STK10: variants seen among roughly 807,000 people sequenced by gnomAD.
The protein encoded by STK10 is serine/threonine kinase 10, also known as serine/threonine-protein kinase 10.
In STK10, 78 loss-of-function variants were observed where a neutral mutation model predicts 113.8. That is an observed-to-expected ratio of 0.69 (90% CI 0.57 to 0.83). The LOEUF is 0.83. STK10 is among the 40% of genes least tolerant of loss of function. The pLI is 0.00. For synonymous variants in STK10, 465 were observed against 494.7 expected (o/e 0.94, Z 0.80); for missense variants, 1,109 against 1,280.1 (o/e 0.87, Z 2.04).
At chr5:172,181,475 A>G (rs1770853193) in intron 1 of STK10, among the ~76,000 whole-genome samples, 1 of 145,780 alleles carries the variant, frequency 6.9e-6, no homozygotes, top group African/African-American at 2.7e-5. Flanking sequence ...ACGATTATTT[A>G]ATTTATTTTA....
chr5:172,064,478 G>A, intron 13 of STK10: 1 of 576,236 alleles, frequency 1.7e-6, no homozygotes, highest in Admixed American at 3.0e-5. Flanking sequence ...TTTGGGAGGT[G>A]GTCAATGTAA....
At chr5:172,053,467 CTGTA>C (rs754635999) in intron 17 of STK10, among the ~76,000 whole-genome samples, 83 of 152,314 alleles carry the variant, frequency 5.4e-4, no homozygotes, top group African/African-American at 1.9e-3. Flanking sequence ...CTAAGATACT[CTGTA>C]TGTCTCACAT....
At chr5:172,098,988 C>T (rs1768917824) in intron 7 of STK10, among the ~76,000 whole-genome samples, 1 of 150,924 alleles carries the variant, frequency 6.6e-6, no homozygotes, top group African/African-American at 2.5e-5. Flanking sequence ...TCATTACCAT[C>T]ACCACCATCA....
intron 17 of STK10, 27 bp downstream of exon 17, chr5:172,054,542 C>A: frequency 6.3e-7 from 1 of 1,596,636 alleles, no homozygotes; most frequent in Non-Finnish European, 8.5e-7. Flanking sequence ...AGCCTGGGGG[C>A]AGGGGCAGGG....
rs747004940 is a variant in STK10, at chr5:172,187,863, G to T, written c.156+24C>A. On this transcript the variant is annotated intron_variant, in intron 1 of 18. Coordinates refer to ENST00000176763, the MANE Select transcript of STK10 (RefSeq NM_005990.4). The surrounding 1 kb of genome is among the most constrained non-coding windows in gnomAD (Gnocchi z 4.6). The stretch of plus-strand genomic sequence containing the variant: ...TTCCGGAGCCCCTCGACGCGCGTCC[G>T]GCCACCCACCTCAGCGCCCTCACCT... 4 of 1,610,022 alleles carry T rather than the reference G, an allele frequency of 2.5e-6. No individual in the cohort carries two copies. The highest frequency in any genetic ancestry group is 2.5e-6 in the Non-Finnish European group (3 of 1,178,494).
chr5:172,082,022 C>T lies in STK10; in HGVS notation c.1989+304G>A, dbSNP rs1768441539. On this transcript the variant is annotated intron_variant, in intron 12 of 18. Coordinates refer to ENST00000176763, the MANE Select transcript of STK10 (RefSeq NM_005990.4). The surrounding 1 kb of genome is among the most constrained non-coding windows in gnomAD (Gnocchi z 4.3). ...CTCAAATTCCCCCGGACCACCAGCC[C>T]TTCCTTCTTCCCCGCTCTTTCTCGG... 6.6e-6 allele frequency among the ~76,000 whole-genome samples: 1 copy of T among 152,198 alleles called. No individual in the cohort carries two copies. The highest frequency in any genetic ancestry group is 6.5e-5 in the Admixed American group (1 of 15,286).
At chr5:172,099,761 G>A (rs993503035) in intron 7 of STK10, among the ~76,000 whole-genome samples, 1 of 152,194 alleles carries the variant, frequency 6.6e-6, no homozygotes, top group Admixed American at 6.5e-5. Context: ...GCCACAGGAC[G>A]CTTCACTGCA....
intron 18 of STK10, among the ~76,000 whole-genome samples, chr5:172,048,508 G>A (rs1767548874): frequency 1.3e-5 from 2 of 150,462 alleles, no homozygotes; most frequent in South Asian, 4.2e-4. Flanking sequence ...ATACGGCCCA[G>A]AGCGGGGAAG....
In STK10 at chr5:172,093,454, A is replaced by G. The variant is rs757396507; in HGVS notation, c.1512T>C (p.Thr504=). 6.2e-7 allele frequency: 1 copy of G among 1,613,312 alleles called. No homozygotes were observed. The highest frequency in any genetic ancestry group is 1.1e-5 in the South Asian group (1 of 91,054). ...CCATCTCTTTGTTCAGCGACAGGTC[A>G]GTGGAGAGATTGGTACCATAGTCCA... ...ESMDYGTNLS[T]DLSLNKEMGS... is the part of the protein sequence containing the mutation. The change falls in exon 9 of 19, where the codon ACT becomes ACC. Residue 504 remains threonine (T), a synonymous_variant. Transcript: ENST00000176763. This position sits in a 1 kb window ranked among gnomAD's most constrained non-coding sequence, Gnocchi z 4.1.
intron 12 of STK10, among the ~76,000 whole-genome samples, chr5:172,077,272 G>A (rs75029757): frequency 0.1 from 15,286 of 152,252 alleles, 844 homozygotes; most frequent in East Asian, 0.12. Context: ...TCCTTCGAGG[G>A]TTACAATTCT....
chr5:172,187,891 T>A lies in STK10; in HGVS notation c.152A>T (p.Tyr51Phe). 1 of 1,613,020 alleles carries A rather than the reference T, an allele frequency of 6.2e-7. No homozygotes were observed. The highest frequency in any genetic ancestry group is 8.5e-7 in the Non-Finnish European group (1 of 1,179,632). The part of the protein sequence containing the change: ...ELGDGAFGKV[Y>F]KAKNKETGAL... ...CACCCACCTCAGCGCCCTCACCTTG[T>A]AAACCTTGCCGAAGGCGCCGTCGCC... Residue 51 changes from tyrosine to phenylalanine, a missense_variant, in exon 1 of 19, where the codon TAC becomes TTC. This residue lies in a region of STK10 where 120 missense variants were observed against 134.8 expected (regional missense o/e 0.89). Transcript: ENST00000176763. The surrounding 1 kb of genome is among the most constrained non-coding windows in gnomAD (Gnocchi z 4.6).
Position 172,093,766 on chromosome 5 carries a change from A to G in STK10, c.1200T>C (p.Asn400=). The G allele has an allele frequency of 6.2e-7, 1 of 1,610,994 alleles. No homozygotes were observed. The highest frequency in any genetic ancestry group is 8.5e-7 in the Non-Finnish European group (1 of 1,177,458). The change falls in exon 9 of 19, where the codon AAT becomes AAC. Residue 400 remains asparagine (N), a synonymous_variant. Coordinates refer to ENST00000176763, the MANE Select transcript of STK10 (RefSeq NM_005990.4). The surrounding 1 kb of genome is among the most constrained non-coding windows in gnomAD (Gnocchi z 4.1). ...GCACAGGCACTGCCAGGCCGTTCTC[A>G]TTTCCAGGGGCCACGACTGGGGGAC... ...TTSPPVVAPG[N]ENGLAVPVPL...
intron 1 of STK10, among the ~76,000 whole-genome samples, chr5:172,162,041 A>G (rs1050821667): frequency 2.0e-5 from 3 of 152,042 alleles, no homozygotes; most frequent in Admixed American, 2.0e-4. Context: ...CCTAAACTCA[A>G]TTTTGAAAGC....
chr5:172,145,109 C>T (rs907820226), intron 2 of STK10, among the ~76,000 whole-genome samples: 10 of 152,206 alleles, frequency 6.6e-5, no homozygotes, highest in African/African-American at 2.4e-4. Context: ...CGGACTTCAG[C>T]CCTAGCGGAG....
intron 1 of STK10, among the ~76,000 whole-genome samples, chr5:172,163,518 G>A (rs7736784): frequency 0.11 from 17,019 of 152,122 alleles, 1,486 homozygotes; most frequent in African/African-American, 0.25. Flanking sequence ...CCAACAAACC[G>A]TTAAGGCCAG....
intron 7 of STK10, among the ~76,000 whole-genome samples, chr5:172,104,414 G>A (rs537378671): frequency 0.1 from 15,185 of 152,266 alleles, 862 homozygotes; most frequent in East Asian, 0.13. Flanking sequence ...CAGGCAAAGA[G>A]TGGCTCACAG....
intron 3 of STK10, among the ~76,000 whole-genome samples, chr5:172,117,878 T>C (rs1769422521): frequency 6.6e-6 from 1 of 151,884 alleles, no homozygotes; most frequent in Non-Finnish European, 1.5e-5. Flanking sequence ...CTGGGCACGG[T>C]GGCAGGCAGC....
At chr5:172,137,753 C>T (rs966312371) in intron 2 of STK10, among the ~76,000 whole-genome samples, 4 of 148,960 alleles carry the variant, frequency 2.7e-5, no homozygotes, top group African/African-American at 1.0e-4. Flanking sequence ...ATTAGCCGGG[C>T]GTGGTGGCGG....
intron 1 of STK10, among the ~76,000 whole-genome samples, chr5:172,165,697 T>G (rs1192374182): frequency 6.6e-6 from 1 of 152,204 alleles, no homozygotes. Context: ...ATGAAACTTG[T>G]CACAGTCATT....
Sources: gnomAD v4.1 joint callset for allele counts (sites outside exome capture counted in the v4.1 genomes callset) on GRCh38, gnomAD v4.1.1 for gene constraint, gnomAD v4.1.1 regional missense constraint, Gnocchi (gnomAD v3.1) non-coding constraint, MANE v1.5 for transcripts, NCBI Gene and HGNC (gene_info 2026-07-23, HGNC 2026-07-21) for gene names.